The following RNF150 variants were observed in gnomAD, a reference collection of about 807,000 sequenced individuals.
RNF150 encodes the protein ring finger protein 150.
RNF150 carries 24 observed loss-of-function variants against 39.3 expected under a neutral mutation model. That is an observed-to-expected ratio of 0.61 (90% CI 0.44 to 0.86). The LOEUF is 0.86. Among genes scored for constraint, RNF150 ranks in the 40% least tolerant of loss-of-function variants. The pLI, the probability that RNF150 is intolerant of heterozygous loss-of-function variation, is 0.00. For missense variants in RNF150, 502 were observed against 587.8 expected (o/e 0.85, Z 1.51); for synonymous variants, 255 against 227.3 (o/e 1.12, Z -1.10).
chr4:141,053,910 CCTGAT>C (rs1261885721), intron 1 of RNF150, among the ~76,000 whole-genome samples: 1 of 152,112 alleles, frequency 6.6e-6, no homozygotes, highest in African/African-American at 2.4e-5. Context: ...TCTGCAAGCA[CCTGAT>C]CTGTGAGAGA....
intron 1 of RNF150, among the ~76,000 whole-genome samples, chr4:140,999,983 GAAAAGAAGAA>G (rs1360487899): frequency 0.034 from 1,261 of 37,568 alleles, 220 homozygotes; most frequent in Non-Finnish European, 0.047. Flanking sequence ...AAGAAAAGAA[GAAAAGAAGAA>G]AAGAAGAAGA....
rs757404816 is a variant in RNF150 at position 140,875,453 on chromosome 4, G to C, written c.1199-7074C>G. On this transcript the variant is annotated intron_variant, in intron 6 of 6. Coordinates refer to ENST00000515673, the MANE Select transcript of RNF150 (RefSeq NM_020724.2). ...TGGTCTCCAAAGCACCAGGATTACA[G>C]GGGTGAGCCACCATACCTGGCCCAT... Among the ~76,000 whole-genome samples the C allele has an allele frequency of 1.1e-3, 168 of 152,288 alleles. 1 individual carries two copies. Among genetic ancestry groups the C allele is most frequent in the Non-Finnish European group, 2.1e-3 (140 of 68,026 alleles).
chr4:141,153,200 T>G (rs771441148), intron 1 of RNF150, among the ~76,000 whole-genome samples: 2 of 152,192 alleles, frequency 1.3e-5, no homozygotes, highest in Non-Finnish European at 2.9e-5. Context: ...TAATACAGTG[T>G]TGTGGACTGA....
chr4:141,076,868 G>C, intron 1 of RNF150, among the ~76,000 whole-genome samples: 1 of 151,982 alleles, frequency 6.6e-6, no homozygotes. Context: ...CTAGTGAAGG[G>C]CAGTTTCTCG....
At chr4:141,148,993 G>A (rs1001763775) in intron 1 of RNF150, among the ~76,000 whole-genome samples, 10 of 152,118 alleles carry the variant, frequency 6.6e-5, no homozygotes, top group Non-Finnish European at 1.3e-4. Context: ...CTTGGGGATT[G>A]AGTGGGGAAC....
Position 140,866,517 on chromosome 4 carries a change from T to A in RNF150, c.*1744A>T, listed in dbSNP as rs534980069. ...GCAACCTTTCTGAGGGTAATAATCA[T>A]CTGCCTTGCCTTACTGTCTACTTAC... On this transcript the variant is annotated 3_prime_UTR_variant, in exon 7 of 7. Coordinates refer to ENST00000515673, the MANE Select transcript of RNF150 (RefSeq NM_020724.2). 2.0e-5 allele frequency: 3 copies of A among 152,192 alleles called. No individual in the cohort carries two copies. The highest frequency in any genetic ancestry group is 2.9e-5 in the Non-Finnish European group (2 of 68,030). 9.4% of individuals were successfully genotyped at this position (152,192 alleles called of 1,614,324 possible). A position where few individuals can be genotyped will look rare whatever the true frequency, so the allele number is the denominator to read the frequency against.
intron 1 of RNF150, among the ~76,000 whole-genome samples, chr4:141,051,428 A>G (rs1222824953): frequency 6.6e-6 from 1 of 152,186 alleles, no homozygotes; most frequent in Admixed American, 6.5e-5. Context: ...AAAATTTCCA[A>G]ACTTTTATGC....
intron 1 of RNF150, among the ~76,000 whole-genome samples, chr4:141,183,300 G>GC (rs1727943102): frequency 6.6e-6 from 1 of 152,052 alleles, no homozygotes; most frequent in African/African-American, 2.4e-5. Context: ...GGTATGGTAG[G>GC]CAGAATTCTA....
intron 1 of RNF150, among the ~76,000 whole-genome samples, chr4:141,194,123 A>G (rs1328927700): frequency 6.6e-6 from 1 of 152,202 alleles, no homozygotes; most frequent in Admixed American, 6.5e-5. Context: ...TACCCACAGA[A>G]AGTTAACTGG....
intron 1 of RNF150, among the ~76,000 whole-genome samples, chr4:141,038,873 G>C (rs1484895173): frequency 6.6e-6 from 1 of 152,154 alleles, no homozygotes; most frequent in Non-Finnish European, 1.5e-5. Flanking sequence ...GCCAGAAGAG[G>C]AAGAACATGG....
At chr4:141,165,043 C>T (rs559027668) in intron 1 of RNF150, among the ~76,000 whole-genome samples, 1 of 152,170 alleles carries the variant, frequency 6.6e-6, no homozygotes, top group Non-Finnish European at 1.5e-5. Context: ...GTGCTGTATT[C>T]AGGAGACCCG....
At chr4:141,087,454 G>T (rs146886809) in intron 1 of RNF150, among the ~76,000 whole-genome samples, 1 of 152,092 alleles carries the variant, frequency 6.6e-6, no homozygotes, top group East Asian at 1.9e-4. Context: ...ACTCTATGGG[G>T]CTAATTACCT....
upstream of RNF150, among the ~76,000 whole-genome samples, chr4:141,138,382 C>CA (rs1278084883): frequency 6.6e-6 from 1 of 152,042 alleles, no homozygotes; most frequent in African/African-American, 2.4e-5. Context: ...TCACAATAGG[C>CA]TCCTAGATAA....
At chr4:141,055,118 G>A (rs924467507) in intron 1 of RNF150, among the ~76,000 whole-genome samples, 1 of 152,146 alleles carries the variant, frequency 6.6e-6, no homozygotes, top group Non-Finnish European at 1.5e-5. Context: ...AAGATGGAAA[G>A]GTTTGGGAAT....
intron 4 of RNF150, 70 bp from the exon 5 acceptor site, chr4:140,926,143 G>C: frequency 8.9e-7 from 1 of 1,119,512 alleles, no homozygotes; most frequent in East Asian, 2.4e-5. Context: ...ATGGCCCAGG[G>C]ACTCGTCCAA....
intron 1 of RNF150, among the ~76,000 whole-genome samples, chr4:141,056,328 G>A (rs1368903875): frequency 2.0e-5 from 3 of 152,112 alleles, no homozygotes; most frequent in South Asian, 4.1e-4. Context: ...TAGAGCCCAG[G>A]AGTTCAAATC....
chr4:141,112,599 T>C (rs1166331795), intron 1 of RNF150, among the ~76,000 whole-genome samples: 1 of 152,232 alleles, frequency 6.6e-6, no homozygotes, highest in Non-Finnish European at 1.5e-5. Context: ...GAGCTGGTGT[T>C]TGTCTGATGG....
intron 1 of RNF150, among the ~76,000 whole-genome samples, chr4:141,003,935 C>T (rs1188505958): frequency 1.3e-5 from 2 of 152,064 alleles, no homozygotes; most frequent in East Asian, 1.9e-4. Flanking sequence ...GAAGCCCACC[C>T]GCATCAGGAG....
chr4:141,021,084 G>A (rs895379545), intron 1 of RNF150, among the ~76,000 whole-genome samples: 9 of 152,134 alleles, frequency 5.9e-5, no homozygotes, highest in African/African-American at 2.2e-4. Flanking sequence ...AAATTACTAA[G>A]AGAAAACATC....
Sources: allele counts gnomAD v4.1 joint callset (sites outside exome capture counted in the v4.1 genomes callset), GRCh38; gene constraint gnomAD v4.1.1; transcripts MANE v1.5; gene names NCBI Gene and HGNC (gene_info 2026-07-23, HGNC 2026-07-21).